Variants in CPED1 observed in about 807,000 individuals in gnomAD.
CPED1 encodes cadherin like and PC-esterase domain containing 1.
Under a neutral mutation model 128.2 loss-of-function variants are expected in CPED1, and 114 were observed. That is an observed-to-expected ratio of 0.89 (90% CI 0.76 to 1.04). The LOEUF (loss-of-function observed/expected upper bound fraction) is 1.04. Ranked by LOEUF, CPED1 falls within the 50% of genes least tolerant of loss-of-function variation. The pLI is 0.00. For synonymous variants in CPED1, 462 were observed against 426.7 expected, an observed-to-expected ratio of 1.08 and a Z score of -1.02; for missense variants, 1,211 against 1,207.1, an observed-to-expected ratio of 1.00 and a Z score of -0.05.
intron 5 of CPED1, among the ~76,000 whole-genome samples, 179 bp from the exon 6 acceptor site, chr7:121,097,520 A>T (rs1794728251): frequency 6.6e-6 from 1 of 152,226 alleles, no homozygotes; most frequent in African/African-American, 2.4e-5. Flanking sequence ...TATGGCAAAC[A>T]AAGGCCTCTC....
intron 16 of CPED1, among the ~76,000 whole-genome samples, chr7:121,224,006 T>C (rs1241336500): frequency 6.6e-6 from 1 of 152,110 alleles, no homozygotes; most frequent in Admixed American, 6.5e-5. Flanking sequence ...TTCTGCTAGC[T>C]TTTGAATTTG....
At chr7:121,021,159 C>G (rs965069835) in intron 3 of CPED1, among the ~76,000 whole-genome samples, 1 of 151,898 alleles carries the variant, frequency 6.6e-6, no homozygotes, top group African/African-American at 2.4e-5. Context: ...TAAGGACACT[C>G]TTATTTACCC....
At chr7:121,074,487 C>T (rs1040169503) in intron 5 of CPED1, among the ~76,000 whole-genome samples, 9 of 138,474 alleles carry the variant, frequency 6.5e-5, no homozygotes, top group Non-Finnish European at 1.4e-4. Context: ...ACTTCACTTC[C>T]TTACTAATAA....
chr7:121,259,896 T>C (rs1437989573), intron 18 of CPED1, among the ~76,000 whole-genome samples: 2 of 152,092 alleles, frequency 1.3e-5, no homozygotes, highest in African/African-American at 4.8e-5. Flanking sequence ...TTTTAAGTAA[T>C]GTTTTCATGT....
chr7:121,224,770 T>G lies in CPED1; in HGVS notation c.2056-11944T>G, dbSNP rs552007064. On this transcript the variant is annotated intron_variant, in intron 16 of 22. Transcript: ENST00000310396. ...GTTTAAAGTCTATTTTATCAGAGAC[T>G]AGGATTGCAACCCCTGCTTTTTTTT... Among the ~76,000 whole-genome samples the G allele has an allele frequency of 1.3e-5, 2 of 148,592 alleles. 1 individual carries two copies. Among genetic ancestry groups the G allele is most frequent in the East Asian group, 4.0e-4 (2 of 5,034 alleles).
At chr7:121,110,079 A>G (rs1239310106) in intron 7 of CPED1, among the ~76,000 whole-genome samples, 1 of 152,200 alleles carries the variant, frequency 6.6e-6, no homozygotes, top group Non-Finnish European at 1.5e-5. Context: ...ATCGGTGTGC[A>G]GTAAGAAAGT....
At chr7:121,149,802 A>G (rs1796111166) in intron 16 of CPED1, among the ~76,000 whole-genome samples, 1 of 152,194 alleles carries the variant, frequency 6.6e-6, no homozygotes, top group Non-Finnish European at 1.5e-5. Flanking sequence ...TGGATTTCCA[A>G]TGTGACATTT....
chr7:121,049,573 G>A (rs1793295986), intron 4 of CPED1, among the ~76,000 whole-genome samples: 1 of 152,166 alleles, frequency 6.6e-6, no homozygotes, highest in Admixed American at 6.5e-5. Context: ...AGACCTGGAG[G>A]GCCAAGTGGT....
intron 4 of CPED1, among the ~76,000 whole-genome samples, chr7:121,049,621 G>A (rs76147824): frequency 0.017 from 2,613 of 152,332 alleles, 60 homozygotes; most frequent in African/African-American, 0.059. Flanking sequence ...GGTTTTTTGT[G>A]AGTGGCTTTT....
intron 16 of CPED1, among the ~76,000 whole-genome samples, chr7:121,232,938 T>A (rs1798170508): frequency 6.6e-6 from 1 of 152,104 alleles, no homozygotes; most frequent in Non-Finnish European, 1.5e-5. Flanking sequence ...AGTATTGCTT[T>A]AAAAATACAG....
intron 3 of CPED1, among the ~76,000 whole-genome samples, chr7:121,020,942 C>T (rs1357464522): frequency 6.6e-6 from 1 of 151,878 alleles, no homozygotes; most frequent in African/African-American, 2.4e-5. Context: ...AAGTAGATGT[C>T]ATATCTTGGT....
At chr7:121,148,664 T>A (rs752616554) in intron 16 of CPED1, among the ~76,000 whole-genome samples, 1 of 152,076 alleles carries the variant, frequency 6.6e-6, no homozygotes, top group Non-Finnish European at 1.5e-5. Flanking sequence ...GGAAGAGAGA[T>A]GAGAAGAATT....
intron 7 of CPED1, among the ~76,000 whole-genome samples, chr7:121,108,922 A>G (rs1034135093): frequency 2.0e-5 from 3 of 152,104 alleles, no homozygotes; most frequent in Non-Finnish European, 2.9e-5. Context: ...AACAAAAAAG[A>G]TTTTGCAACA....
intron 3 of CPED1, among the ~76,000 whole-genome samples, chr7:121,019,945 C>T (rs1585021564): frequency 1.3e-5 from 2 of 152,006 alleles, no homozygotes; most frequent in South Asian, 4.1e-4. Flanking sequence ...TTTAATCCTA[C>T]TCCAGTGGTA....
At chr7:121,045,558 A>G (rs1292605555) in intron 3 of CPED1, among the ~76,000 whole-genome samples, 3 of 152,198 alleles carry the variant, frequency 2.0e-5, no homozygotes, top group East Asian at 3.8e-4. Context: ...TATGCTTGTC[A>G]AGTGAGAAAT....
chr7:121,284,668 C>A (rs1232767261), intron 22 of CPED1, among the ~76,000 whole-genome samples: 1 of 152,214 alleles, frequency 6.6e-6, no homozygotes. Flanking sequence ...AATCATTAAA[C>A]CTTAAAGTTA....
intron 7 of CPED1, 140 bp from the exon 8 acceptor site, chr7:121,124,191 A>T: frequency 3.5e-6 from 2 of 569,956 alleles, no homozygotes; most frequent in South Asian, 4.6e-5. Context: ...AGATTACCAA[A>T]CTTACTGATT....
chr7:121,129,505 T>C (rs1795610385), intron 11 of CPED1, among the ~76,000 whole-genome samples: 1 of 151,446 alleles, frequency 6.6e-6, no homozygotes, highest in Non-Finnish European at 1.5e-5. Context: ...TCATTTTAAC[T>C]ATTTTAAACG....
chr7:121,293,024 G>T (rs1167529700), intron 22 of CPED1, among the ~76,000 whole-genome samples: 2 of 152,194 alleles, frequency 1.3e-5, no homozygotes, highest in Non-Finnish European at 2.9e-5. Context: ...GAGGCAGTCT[G>T]TCCCTTAGCA....
Sources: gnomAD v4.1 joint callset for allele counts (sites outside exome capture counted in the v4.1 genomes callset) on GRCh38, gnomAD v4.1.1 for gene constraint, MANE v1.5 for transcripts, NCBI Gene and HGNC (gene_info 2026-07-23, HGNC 2026-07-21) for gene names.